Variants in XRN1 observed in about 807,000 individuals in gnomAD.
XRN1 encodes the protein strand-exchange protein 1 homolog.
A neutral mutation model predicts 222.3 loss-of-function variants in XRN1; 67 were observed. That is an observed-to-expected ratio of 0.30 (90% CI 0.25 to 0.37). The LOEUF (loss-of-function observed/expected upper bound fraction) is 0.37. XRN1 is among the 10% of genes least tolerant of loss of function. The pLI is 1.00. For synonymous variants in XRN1, 643 were observed against 652.4 expected (o/e 0.99, Z 0.22); for missense variants, 1,707 against 2,000.2 (o/e 0.85, Z 2.80).
chr3:142,308,826 C>T lies in XRN1; in HGVS notation c.*2685G>A, dbSNP rs2065021031. 6.6e-6 allele frequency: 1 copy of T among 152,048 alleles called. No homozygotes were observed. Among genetic ancestry groups the T allele is most frequent in the South Asian group, 2.1e-4 (1 of 4,822 alleles). The allele number at this position is 152,048 out of a possible 1,614,324, so 9.4% of individuals were successfully genotyped here. ...GCAATTTGGGGAATCTGTCCTATGCCCTAAACAGTCCACCATTTTCACAAA... is the reference window on the plus strand; with the variant it reads ...GCAATTTGGGGAATCTGTCCTATGCTCTAAACAGTCCACCATTTTCACAAA... On this transcript the variant is annotated 3_prime_UTR_variant, in exon 41 of 41. Transcript: ENST00000392981.
intron 32 of XRN1, 58 bp from the exon 33 acceptor site, chr3:142,347,400 T>C: frequency 1.9e-6 from 2 of 1,045,494 alleles, no homozygotes; most frequent in Non-Finnish European, 2.7e-6. Context: ...CTACTTCTTA[T>C]CTTCAACTTT....
At chr3:142,378,191 G>A (rs773422384) in intron 23 of XRN1, among the ~76,000 whole-genome samples, 3 of 152,184 alleles carry the variant, frequency 2.0e-5, no homozygotes, top group African/African-American at 4.8e-5. Flanking sequence ...GTTTTAACAG[G>A]AGAAAGGAAA....
At chr3:142,437,791 C>T (rs957513435) in intron 1 of XRN1, among the ~76,000 whole-genome samples, 1 of 152,174 alleles carries the variant, frequency 6.6e-6, no homozygotes, top group Admixed American at 6.5e-5. Context: ...TTGCAAACTA[C>T]TCACCTGACA....
intron 30 of XRN1, among the ~76,000 whole-genome samples, chr3:142,359,259 T>C (rs936069269): frequency 3.9e-5 from 6 of 152,162 alleles, no homozygotes; most frequent in Non-Finnish European, 7.4e-5. Flanking sequence ...CTCCTTTCCT[T>C]TATAGTCAAA....
chr3:142,385,151 T>C (rs1412985611), intron 20 of XRN1, among the ~76,000 whole-genome samples: 1 of 152,114 alleles, frequency 6.6e-6, no homozygotes, highest in Non-Finnish European at 1.5e-5. Context: ...AAACAGGTAC[T>C]CAAACAAATA....
chr3:142,319,272 C>T (rs1200802903), intron 37 of XRN1, among the ~76,000 whole-genome samples: 8 of 151,968 alleles, frequency 5.3e-5, no homozygotes, highest in Non-Finnish European at 7.4e-5. Flanking sequence ...CTGTAGAGTT[C>T]GGAAGCTGTG....
chr3:142,404,080 C>A (rs1253733281), intron 16 of XRN1, 91 bp from the exon 17 acceptor site: 26 of 1,114,772 alleles, frequency 2.3e-5, no homozygotes, highest in Non-Finnish European at 3.1e-5. Context: ...TCGTAAGAGT[C>A]ATCCTTGCTT....
intron 30 of XRN1, among the ~76,000 whole-genome samples, chr3:142,359,312 C>T (rs1216736317): frequency 6.6e-6 from 1 of 152,144 alleles, no homozygotes; most frequent in Non-Finnish European, 1.5e-5. Flanking sequence ...ATTACTACAC[C>T]TGCCATTCAC....
rs1577438762 is a variant in XRN1 at position 142,432,778 on chromosome 3, A to G, written c.191T>C (p.Ile64Thr). ...AAACAACACCTCCAGGTAGTGAAAA[A>G]TATCAGTAAAGATTTTATCATCTGA... ...RISDDKIFTD[I>T]FHYLEVLFRI... The change falls in exon 2 of 41, where the codon ATT becomes ACT. Residue 64 changes from isoleucine to threonine, a missense_variant. By Grantham distance (89) the Ile-to-Thr change is moderately conservative (BLOSUM62 -1). This residue lies in a region of XRN1 where 1,234 missense variants were observed against 1,518.2 expected (regional missense o/e 0.81). Coordinates refer to ENST00000392981, the MANE Select transcript of XRN1 (RefSeq NM_001282857.2). 1 of 1,614,030 alleles carries G rather than the reference A, an allele frequency of 6.2e-7. No individual in the cohort carries two copies. The highest frequency in any genetic ancestry group is 1.3e-5 in the African/African-American group (1 of 75,040).
Position 142,417,166 on chromosome 3 carries a change from G to T in XRN1, c.1410C>A (p.Tyr470Ter). The T allele has an allele frequency of 1.2e-6, 2 of 1,613,456 alleles. No homozygotes were observed. The highest frequency in any genetic ancestry group is 1.7e-6 in the Non-Finnish European group (2 of 1,179,736). The change falls in exon 13 of 41, where the codon TAC becomes TAA. Residue 470 changes from tyrosine (Y) to a stop codon, truncating the protein, a stop_gained. Coordinates refer to ENST00000392981, the MANE Select transcript of XRN1 (RefSeq NM_001282857.2). LOFTEE classifies it high-confidence loss of function. ...VQAIQWILHY[Y>*]YHGVQSWSWY... ...AGCTCCAGGACTGAACTCCATGATA[G>T]TAATAGTGCAAAATCCACTGTATTG...
At chr3:142,405,453 T>C (rs528792552) in intron 15 of XRN1, among the ~76,000 whole-genome samples, 3 of 152,316 alleles carry the variant, frequency 2.0e-5, no homozygotes, top group South Asian at 4.1e-4. Context: ...GTGATGTCCA[T>C]CTTTCCAAAT....
At position 142,358,196 on chromosome 3, in the gene XRN1, A is replaced by G. The variant is rs184320252; in HGVS notation, c.3465-1077T>C. On this transcript the variant is annotated intron_variant, in intron 30 of 40. Transcript: ENST00000392981. ...ATGTCAGCTTTGATCTCATTTGTCT[A>G]TCGGTCAAATGTGGAGTCCAGCCCT... Among the ~76,000 whole-genome samples, 178 of 152,292 alleles carry G rather than the reference A, an allele frequency of 1.2e-3. 1 individual carries two copies. The highest frequency in any genetic ancestry group is 4.0e-3 in the African/African-American group (166 of 41,564).
At chr3:142,360,720 A>T (rs1031983030) in intron 29 of XRN1, among the ~76,000 whole-genome samples, 2 of 152,066 alleles carry the variant, frequency 1.3e-5, no homozygotes, top group African/African-American at 4.8e-5. Flanking sequence ...AAATAAAAAA[A>T]AAAATTAGCC....
intron 18 of XRN1, among the ~76,000 whole-genome samples, chr3:142,400,963 CT>C (rs1218774241): frequency 6.6e-6 from 1 of 151,138 alleles, no homozygotes; most frequent in African/African-American, 2.5e-5. Context: ...GAATTAGTTG[CT>C]TTACAAAATT....
chr3:142,328,270 T>C (rs951312264), intron 37 of XRN1, among the ~76,000 whole-genome samples: 3 of 152,168 alleles, frequency 2.0e-5, no homozygotes, highest in Non-Finnish European at 4.4e-5. Flanking sequence ...TGCAGGGATT[T>C]ATTGCTATAA....
intron 20 of XRN1, among the ~76,000 whole-genome samples, chr3:142,391,021 G>A (rs1314000306): frequency 1.3e-5 from 2 of 152,146 alleles, no homozygotes; most frequent in Non-Finnish European, 2.9e-5. Flanking sequence ...GGGCATGGTT[G>A]ATGGTGACCA....
intron 31 of XRN1, 84 bp from the exon 32 acceptor site, chr3:142,355,580 A>G: frequency 1.1e-6 from 1 of 938,022 alleles, no homozygotes; most frequent in South Asian, 1.8e-5. Flanking sequence ...TTCATCTATT[A>G]ATGTTATTCA....
At chr3:142,351,286 A>C (rs2066298051) in intron 32 of XRN1, among the ~76,000 whole-genome samples, 4 of 152,312 alleles carry the variant, frequency 2.6e-5, no homozygotes, top group Middle Eastern at 3.4e-3. Context: ...GAGAAACAAC[A>C]GCCAATGAGA....
chr3:142,423,064 C>G (rs1167649845), intron 6 of XRN1, 142 bp from the exon 7 acceptor site: 2 of 650,850 alleles, frequency 3.1e-6, no homozygotes, highest in African/African-American at 3.7e-5. Context: ...ATGAAGGTTG[C>G]AGGGTAACAA....
Sources: gnomAD v4.1 joint callset for allele counts (sites outside exome capture counted in the v4.1 genomes callset) on GRCh38, gnomAD v4.1.1 for gene constraint, gnomAD v4.1.1 regional missense constraint, MANE v1.5 for transcripts, NCBI Gene and HGNC (gene_info 2026-07-23, HGNC 2026-07-21) for gene names.